The following HAPLN3 variants were observed in gnomAD, a reference collection of about 807,000 sequenced individuals.
The protein encoded by HAPLN3 is hyaluronan and proteoglycan link protein 3.
A neutral mutation model predicts 28.1 loss-of-function variants in HAPLN3; 28 were observed. That is an observed-to-expected ratio of 1.00 (90% CI 0.74 to 1.37). The LOEUF (loss-of-function observed/expected upper bound fraction) is 1.37, where lower values mean the gene tolerates loss of function less well. Among genes scored for constraint, HAPLN3 ranks in the 40% most tolerant of loss-of-function variants. The probability of loss-of-function intolerance (pLI) is 0.00; values close to 1 mark genes in which losing one functional copy is unlikely to be tolerated. For synonymous variants in HAPLN3, 211 were observed against 213.1 expected (o/e 0.99, Z 0.09); for missense variants, 513 against 504.6 (o/e 1.02, Z -0.16).
intron 4 of HAPLN3, 101 bp downstream of exon 4, chr15:88,878,866 G>C: frequency 1.6e-6 from 2 of 1,286,606 alleles, no homozygotes; most frequent in Non-Finnish European, 2.1e-6. Flanking sequence ...GGCAGTACCA[G>C]CAGAGCCAGC....
rs62620692 is a variant in HAPLN3, at chr15:88,881,377, A to T, written c.473T>A (p.Leu158Gln). The part of the protein sequence containing the change: ...VIDGLEDESG[L>Q]VELELRGVVF... ...CTCACCCCGCAGCTCCAGCTCCACC[A>T]GACCGCTTTCATCCTCCAGCCCGTC... Residue 158 changes from leucine to glutamine, a missense_variant, in exon 3 of 5, where the codon CTG (leucine) becomes CAG (glutamine). Transcript: ENST00000359595. The surrounding 1 kb of genome is among the most constrained non-coding windows in gnomAD (Gnocchi z 6.0). 4,557 of 1,612,920 alleles carry T rather than the reference A, an allele frequency of 2.8e-3. 7 individuals are homozygous for T. The highest frequency in any genetic ancestry group is 3.7e-3 in the Admixed American group (220 of 59,978).
In HAPLN3 at chr15:88,880,409, C is replaced by T; in HGVS notation, c.493+948G>A. The T allele has an allele frequency of 8.5e-7, 1 of 1,177,792 alleles. No individual in the cohort carries two copies. Among genetic ancestry groups the T allele is most frequent in the South Asian group, 1.6e-5 (1 of 61,308 alleles). The allele number at this position is 1,177,792 out of a possible 1,614,324, so 73.0% of individuals were successfully genotyped here. ...GCATTTTAAGGACATACATCTTATCCTCATTGCCTCTGAGGGAGGTAAAGG... is the reference window on the plus strand; with the variant it reads ...GCATTTTAAGGACATACATCTTATCTTCATTGCCTCTGAGGGAGGTAAAGG... On this transcript the variant is annotated intron_variant, in intron 3 of 4. Transcript: ENST00000359595. This position sits in a 1 kb window ranked among gnomAD's most constrained non-coding sequence, Gnocchi z 6.0.
Position 88,881,859 on chromosome 15 carries a change from T to C in HAPLN3, c.125-134A>G. Reference sequence around the variant, plus strand: ...ATGGCCACCATGCTCCACCCCTCCCTGTATCCACATGCTCTGCAATGTGAC... The same window carrying C: ...ATGGCCACCATGCTCCACCCCTCCCCGTATCCACATGCTCTGCAATGTGAC... On this transcript the variant is annotated intron_variant, in intron 2 of 4. Transcript: ENST00000359595. This position sits in a 1 kb window ranked among gnomAD's most constrained non-coding sequence, Gnocchi z 6.0. 2 of 790,142 alleles carry C rather than the reference T, an allele frequency of 2.5e-6. No homozygotes were observed. Among genetic ancestry groups the C allele is most frequent in the South Asian group, 1.8e-5 (1 of 55,784 alleles). The allele number at this position is 790,142 out of a possible 1,614,324, so 48.9% of individuals were successfully genotyped here.
Position 88,880,748 on chromosome 15 carries a change from TG to T in HAPLN3, c.493+608del. On this transcript the variant is annotated intron_variant, in intron 3 of 4. Transcript: ENST00000359595. The surrounding 1 kb of genome is among the most constrained non-coding windows in gnomAD (Gnocchi z 6.0). Reference sequence around the variant, plus strand: ...TTGGGGGGGCTTTTTGTTTGTTTTTTGTTTTGTTTTGTTTTTAAAAAGGAGG... The same window carrying T: ...TTGGGGGGGCTTTTTGTTTGTTTTTTTTTTGTTTTGTTTTTAAAAAGGAGG... 3.1e-6 allele frequency: 1 copy of T among 319,480 alleles called. No individual in the cohort carries two copies. 19.8% of individuals were successfully genotyped at this position (319,480 alleles called of 1,614,324 possible).
At chr15:88,887,459 C>T in intron 1 of HAPLN3, 114 bp from the exon 2 acceptor site, 2 of 943,916 alleles carry the variant, frequency 2.1e-6, no homozygotes, top group Non-Finnish European at 1.6e-6. Context: ...GGGACACCTG[C>T]CGCCTACGTG....
chr15:88,892,147 G>A (rs1313387383), intron 1 of HAPLN3, among the ~76,000 whole-genome samples: 1 of 152,098 alleles, frequency 6.6e-6, no homozygotes, highest in Non-Finnish European at 1.5e-5. Flanking sequence ...CTCACATTGA[G>A]GGGGATGCCA....
rs752180451 is a variant in HAPLN3, at chr15:88,878,950, T to C, written c.796+17A>G. On this transcript the variant is annotated intron_variant, in intron 4 of 4. Transcript: ENST00000359595. Reference sequence around the variant, plus strand: ...GGCCACCAAACCCACAGGCCCGCGCTTGGCTATTCCACTCACCCTTGAGGG... The same window carrying C: ...GGCCACCAAACCCACAGGCCCGCGCCTGGCTATTCCACTCACCCTTGAGGG... 3 of 1,594,480 alleles carry C rather than the reference T, an allele frequency of 1.9e-6. No individual in the cohort carries two copies.
intron 2 of HAPLN3, among the ~76,000 whole-genome samples, chr15:88,886,789 C>T (rs1897868534): frequency 6.6e-6 from 1 of 152,242 alleles, no homozygotes; most frequent in Admixed American, 6.5e-5. Flanking sequence ...CGTGCCATTG[C>T]ACTCCAGCCT....
At chr15:88,883,886 T>C (rs1205320378) in intron 2 of HAPLN3, among the ~76,000 whole-genome samples, 1 of 151,762 alleles carries the variant, frequency 6.6e-6, no homozygotes, top group Admixed American at 6.6e-5. Context: ...GAGACTAGCG[T>C]GGCCAACACG....
intron 1 of HAPLN3, chr15:88,892,960 T>C: frequency 2.6e-6 from 4 of 1,535,710 alleles, no homozygotes; most frequent in Non-Finnish European, 3.5e-6. Flanking sequence ...CAAGACCAAG[T>C]CCAGCCCAGT....
chr15:88,885,831 C>T (rs1208685752), intron 2 of HAPLN3, among the ~76,000 whole-genome samples: 1 of 152,058 alleles, frequency 6.6e-6, no homozygotes, highest in Non-Finnish European at 1.5e-5. Flanking sequence ...AAGTGATCCA[C>T]TCACCTCAGT....
chr15:88,894,530 T>C (rs1162385713), intron 1 of HAPLN3, among the ~76,000 whole-genome samples: 1 of 152,150 alleles, frequency 6.6e-6, no homozygotes, highest in Non-Finnish European at 1.5e-5. Flanking sequence ...GCACAAGGCT[T>C]GATCTCCGCC....
chr15:88,880,140 G>C lies in HAPLN3; in HGVS notation c.494-871C>G, dbSNP rs1211433243. The C allele has an allele frequency of 1.0e-6, 1 of 992,332 alleles. No homozygotes were observed. Among genetic ancestry groups the C allele is most frequent in the Admixed American group, 5.8e-5 (1 of 17,222 alleles). 61.5% of individuals were successfully genotyped at this position (992,332 alleles called of 1,614,324 possible). On this transcript the variant is annotated intron_variant, in intron 3 of 4. Transcript: ENST00000359595. The surrounding 1 kb of genome is among the most constrained non-coding windows in gnomAD (Gnocchi z 6.0). Reference sequence around the variant, plus strand: ...CATGGGCCCTGACAGTCAGCTTGCAGCCTCTACGTGTGTTTGCAGGGGGAC... The same window carrying C: ...CATGGGCCCTGACAGTCAGCTTGCACCCTCTACGTGTGTTTGCAGGGGGAC...
rs1182845480 is a variant in HAPLN3 at position 88,877,535 on chromosome 15, G to C, written c.*435C>G. On this transcript the variant is annotated 3_prime_UTR_variant, in exon 5 of 5. Transcript: ENST00000359595. The surrounding 1 kb of genome is among the most constrained non-coding windows in gnomAD (Gnocchi z 5.1). ...GGGTCAGCGGCTTCACAGAGAAGTA[G>C]AGGTGGGCAGGAGAGGCCCAAAGCC... 6.3e-6 allele frequency: 1 copy of C among 159,346 alleles called. No homozygotes were observed. The highest frequency in any genetic ancestry group is 1.9e-4 in the East Asian group (1 of 5,318). The allele number at this position is 159,346 out of a possible 1,614,324, so 9.9% of individuals were successfully genotyped here.
At chr15:88,887,073 C>G (rs753396810) in intron 2 of HAPLN3, 102 bp downstream of exon 2, 37 of 1,292,776 alleles carry the variant, frequency 2.9e-5, no homozygotes, top group Non-Finnish European at 3.6e-5. Context: ...TGGAACAGGG[C>G]TGCTGTCCCT....
intron 1 of HAPLN3, among the ~76,000 whole-genome samples, chr15:88,889,574 G>A (rs1252635845): frequency 1.3e-5 from 2 of 152,190 alleles, no homozygotes. Flanking sequence ...CGCCTCGAGT[G>A]ATCCGCCCAC....
chr15:88,893,956 G>T (rs1898088297), intron 1 of HAPLN3, among the ~76,000 whole-genome samples: 1 of 150,536 alleles, frequency 6.6e-6, no homozygotes, highest in Non-Finnish European at 1.5e-5. Flanking sequence ...TGGGGTGGGG[G>T]GGGCGGTCAC....
chr15:88,889,555 C>G (rs776046334), intron 1 of HAPLN3, among the ~76,000 whole-genome samples: 1 of 152,144 alleles, frequency 6.6e-6, no homozygotes, highest in Non-Finnish European at 1.5e-5. Context: ...AGGCTGGTCT[C>G]GAACTCCTCG....
At chr15:88,894,231 C>A (rs1438046805) in intron 1 of HAPLN3, among the ~76,000 whole-genome samples, 3 of 152,224 alleles carry the variant, frequency 2.0e-5, no homozygotes, top group African/African-American at 7.2e-5. Context: ...GGTCAGTGAA[C>A]TACCCAAGGC....
Sources: gnomAD v4.1 joint callset for allele counts (sites outside exome capture counted in the v4.1 genomes callset) on GRCh38, gnomAD v4.1.1 for gene constraint, Gnocchi (gnomAD v3.1) non-coding constraint, MANE v1.5 for transcripts, NCBI Gene and HGNC (gene_info 2026-07-23, HGNC 2026-07-21) for gene names.